POLR1A: variants seen among roughly 807,000 people sequenced by gnomAD.
POLR1A encodes DNA-directed RNA polymerase I subunit RPA1.
POLR1A carries 84 observed loss-of-function variants against 205.3 expected under a neutral mutation model. The observed-to-expected ratio is 0.41, with a 90% CI of 0.34 to 0.49. The LOEUF (loss-of-function observed/expected upper bound fraction) is 0.49. POLR1A is among the 20% of genes least tolerant of loss of function. The pLI is 0.22. For synonymous variants in POLR1A, 799 were observed against 863.7 expected, an observed-to-expected ratio of 0.93 and a Z score of 1.31; for missense variants, 1,645 against 2,204.5, an observed-to-expected ratio of 0.75 and a Z score of 5.08.
Position 86,033,764 on chromosome 2 carries a change from G to C in POLR1A, c.4058C>G (p.Ser1353Cys), listed in dbSNP as rs762358769. 3 of 1,613,970 alleles carry C rather than the reference G, an allele frequency of 1.9e-6. No individual in the cohort carries two copies. The Admixed American group carries it at 5.0e-5, about 27-fold the overall frequency. Residue 1353 changes from serine to cysteine, a missense_variant, in exon 28 of 34, where the codon TCC (serine) becomes TGC (cysteine). This residue lies in a region of POLR1A where 394 missense variants were observed against 468.5 expected (regional missense o/e 0.84). Coordinates refer to ENST00000263857, the MANE Select transcript of POLR1A (RefSeq NM_015425.6). ...TGCTTTATTATTCTTCTTTTTGATG[G>C]ATTCCATCAGAAGTTTAAAGAATCT... Reference protein sequence around the residue: ...ETRFFKLLMESIKKKNNKASA... With the variant: ...ETRFFKLLMECIKKKNNKASA...
intron 10 of POLR1A, 64 bp from the exon 11 acceptor site, chr2:86,078,045 T>C (rs1673326145): frequency 6.2e-7 from 1 of 1,612,732 alleles, no homozygotes; most frequent in Non-Finnish European, 8.5e-7. Context: ...TATTAGTTTC[T>C]TGTTTCAATA....
At chr2:86,056,409 G>A (rs1404718491) in intron 14 of POLR1A, among the ~76,000 whole-genome samples, 4 of 151,346 alleles carry the variant, frequency 2.6e-5, no homozygotes, top group African/African-American at 9.7e-5. Context: ...CCGAGATTGC[G>A]CCACTACACT....
intron 25 of POLR1A, 44 bp downstream of exon 25, chr2:86,040,348 G>T: frequency 7.0e-7 from 1 of 1,433,708 alleles, no homozygotes; most frequent in Non-Finnish European, 9.2e-7. Flanking sequence ...TTCTCCAGGA[G>T]AGGCTAGGAC....
At position 86,043,105 on chromosome 2, in the gene POLR1A, G is replaced by C; in HGVS notation, c.3226C>G (p.Gln1076Glu). 1 of 1,614,140 alleles carries C rather than the reference G, an allele frequency of 6.2e-7. No individual in the cohort carries two copies. Among genetic ancestry groups the C allele is most frequent in the Middle Eastern group, 1.7e-4 (1 of 6,056 alleles). The change falls in exon 23 of 34, where the codon CAA (glutamine) becomes GAA (glutamate). Residue 1076 changes from glutamine (Q) to glutamate (E), a missense_variant. Coordinates refer to ENST00000263857, the MANE Select transcript of POLR1A (RefSeq NM_015425.6). Reference protein sequence around the residue: ...LHHFRAIKKWQSKHPNTLLRR... With the variant: ...LHHFRAIKKWESKHPNTLLRR... ...AGCAGGGTGTTGGGGTGCTTGCTTT[G>C]CCATTTTTTGATAGCTCTGAAGTGG... is the stretch of plus-strand genomic sequence containing the variant.
At chr2:86,095,637 C>T (rs1673688888) in intron 3 of POLR1A, among the ~76,000 whole-genome samples, 2 of 152,066 alleles carry the variant, frequency 1.3e-5, no homozygotes. Flanking sequence ...CCAAAAGTAA[C>T]CAGCCAGAGA....
At chr2:86,071,227 CATGTGTGT>C (rs386648143) in intron 12 of POLR1A, among the ~76,000 whole-genome samples, 29 of 147,344 alleles carry the variant, frequency 2.0e-4, no homozygotes, top group African/African-American at 4.9e-4. Flanking sequence ...TCTCCGTGTG[CATGTGTGT>C]GTGTGTGTGT....
chr2:86,056,657 C>T (rs1489271976), intron 14 of POLR1A, among the ~76,000 whole-genome samples: 1 of 151,848 alleles, frequency 6.6e-6, no homozygotes, highest in Non-Finnish European at 1.5e-5. Flanking sequence ...CTGTTAGGGG[C>T]TAATGCAGCT....
chr2:86,088,473 G>C, intron 6 of POLR1A, 93 bp downstream of exon 6: 1 of 807,460 alleles, frequency 1.2e-6, no homozygotes, highest in Non-Finnish European at 2.1e-6. Flanking sequence ...ATGCAGCAGA[G>C]AAACACGTGG....
At chr2:86,057,959 G>C (rs896498523) in intron 14 of POLR1A, among the ~76,000 whole-genome samples, 7 of 152,156 alleles carry the variant, frequency 4.6e-5, no homozygotes, top group African/African-American at 1.4e-4. Flanking sequence ...AAGAGAGACA[G>C]GGTCTTGCTC....
intron 13 of POLR1A, 133 bp from the exon 14 acceptor site, chr2:86,065,598 C>A: frequency 1.4e-6 from 1 of 714,332 alleles, no homozygotes; most frequent in Non-Finnish European, 2.3e-6. Flanking sequence ...TTGCCCACAT[C>A]CTCACTATGT....
chr2:86,058,953 CAATAAT>C (rs200645599), intron 14 of POLR1A, among the ~76,000 whole-genome samples: 3 of 151,150 alleles, frequency 2.0e-5, no homozygotes, highest in Non-Finnish European at 4.4e-5. Flanking sequence ...ACCAGCTCTA[CAATAAT>C]AATAATAATA....
At position 86,056,512 on chromosome 2, in the gene POLR1A, T is replaced by G. The variant is rs577667225; in HGVS notation, c.2059-2223A>C. ...GAGAAGATCTAGCTAAGATCACTGA[T>G]GAAGGTTGCCGCACTAAACAATAGA... is the stretch of plus-strand genomic sequence containing the variant. On this transcript the variant is annotated intron_variant, in intron 14 of 33. Coordinates refer to ENST00000263857, the MANE Select transcript of POLR1A (RefSeq NM_015425.6). Among the ~76,000 whole-genome samples the G allele has an allele frequency of 2.0e-5, 3 of 148,928 alleles. No individual in the cohort carries two copies. The South Asian group carries it at 6.3e-4, about 31-fold the overall frequency.
Position 86,023,300 on chromosome 2 carries a change from A to T in POLR1A, c.*4123T>A, listed in dbSNP as rs973195983. 10 of 152,222 alleles carry T rather than the reference A, an allele frequency of 6.6e-5. No individual in the cohort carries two copies. The highest frequency in any genetic ancestry group is 2.4e-4 in the African/African-American group (10 of 41,460). 9.4% of individuals were successfully genotyped at this position (152,222 alleles called of 1,614,324 possible). On this transcript the variant is annotated 3_prime_UTR_variant, in exon 34 of 34. Coordinates refer to ENST00000263857, the MANE Select transcript of POLR1A (RefSeq NM_015425.6). The stretch of plus-strand genomic sequence containing the variant: ...GCTGTGGTACGGGGCTGCCCCACTG[A>T]GCCATCTGCAGAGGTGGTATCACTC...
chr2:86,038,704 T>C lies in POLR1A; in HGVS notation c.4030A>G (p.Thr1344Ala). 1 of 1,613,450 alleles carries C rather than the reference T, an allele frequency of 6.2e-7. No individual in the cohort carries two copies. Among genetic ancestry groups the C allele is most frequent in the Non-Finnish European group, 8.5e-7 (1 of 1,179,980 alleles). The change falls in exon 27 of 34, where the codon ACA becomes GCA. Residue 1344 changes from threonine to alanine, a missense_variant. Around this residue, in one of 16 missense-constraint regions of POLR1A, gnomAD observed 394 missense variants for 468.5 expected, o/e 0.84. Transcript: ENST00000263857. ...RPEDILRFME[T>A]RFFKLLMESI... ...AATCACAGCCTGAGCCCTGACCTTGTTTCCATGAAGCGCAGGATGTCCTCG... is the reference window on the plus strand; with the variant it reads ...AATCACAGCCTGAGCCCTGACCTTGCTTCCATGAAGCGCAGGATGTCCTCG...
chr2:86,076,087 A>G (rs1673278744), intron 11 of POLR1A, among the ~76,000 whole-genome samples: 1 of 152,212 alleles, frequency 6.6e-6, no homozygotes, highest in Non-Finnish European at 1.5e-5. Flanking sequence ...ACCTAAGAAA[A>G]TGCAGTGTGC....
rs374180256 is a variant in POLR1A, at chr2:86,033,737, G to A, written c.4085C>T (p.Ser1362Leu). The A allele has an allele frequency of 3.1e-6, 5 of 1,613,732 alleles. No individual in the cohort carries two copies. The highest frequency in any genetic ancestry group is 1.7e-4 in the Middle Eastern group (1 of 5,966). The stretch of plus-strand genomic sequence containing the variant: ...TCGAGTGTTTACGTTCCTGAAAGCT[G>A]ATGCTTTATTATTCTTCTTTTTGAT... Reference protein sequence around the residue: ...ESIKKKNNKASAFRNVNTRRA... With the variant: ...ESIKKKNNKALAFRNVNTRRA... Residue 1362 changes from serine (S) to leucine (L), a missense_variant, in exon 28 of 34, where the codon TCA becomes TTA. Physicochemically the swap from Ser to Leu is moderately radical, Grantham distance 145. This residue lies in a region of POLR1A where 394 missense variants were observed against 468.5 expected (regional missense o/e 0.84). Transcript: ENST00000263857.
intron 12 of POLR1A, among the ~76,000 whole-genome samples, chr2:86,074,090 C>T (rs543061759): frequency 6.3e-4 from 96 of 152,192 alleles, no homozygotes; most frequent in Non-Finnish European, 1.2e-3. Context: ...TGCTGCCCCT[C>T]AGGACGGCGG....
At chr2:86,074,153 G>A (rs763619332) in intron 12 of POLR1A, among the ~76,000 whole-genome samples, 125 of 152,308 alleles carry the variant, frequency 8.2e-4, no homozygotes, top group Admixed American at 2.4e-3. Context: ...GGGCACCGCC[G>A]CAAGGCCAGG....
Position 86,096,121 on chromosome 2 carries a change from A to G in POLR1A, c.432+2490T>C, listed in dbSNP as rs567541627. 2.5e-4 allele frequency among the ~76,000 whole-genome samples: 38 copies of G among 152,318 alleles called. 1 individual carries two copies. Among genetic ancestry groups the G allele is most frequent in the African/African-American group, 9.1e-4 (38 of 41,562 alleles). On this transcript the variant is annotated intron_variant, in intron 3 of 33. Transcript: ENST00000263857. ...GTAAAGTTGCAGGATAAAAAAAATC[A>G]GTAGCACTTTTATACACAAACAATG...
Sources: allele counts gnomAD v4.1 joint callset (sites outside exome capture counted in the v4.1 genomes callset), GRCh38; gene constraint gnomAD v4.1.1; regional missense constraint gnomAD v4.1.1; transcripts MANE v1.5; gene names NCBI Gene and HGNC (gene_info 2026-07-23, HGNC 2026-07-21).